NMS: variants seen among roughly 807,000 people sequenced by gnomAD.
NMS encodes neuromedin S, also known as neuromedin-S.
Under a neutral mutation model 32.2 loss-of-function variants are expected in NMS, and 30 were observed. The ratio of observed to expected loss-of-function variants is 0.93; its 90% CI spans 0.70 to 1.26. The LOEUF is 1.26. NMS is among the 50% of genes most tolerant of loss of function. NMS has a pLI of 0.00. For missense variants in NMS, 190 were observed against 186.3 expected (o/e 1.02, Z -0.12); for synonymous variants, 76 against 58.5 (o/e 1.30, Z -1.37).
At position 100,479,724 on chromosome 2, in the gene NMS, C is replaced by CT. The variant is rs200384744; in HGVS notation, c.336+306dup. On this transcript the variant is annotated intron_variant, in intron 6 of 9. Transcript: ENST00000376865. ...CCCTAAGTTGTGTCTTGGTTTTGTA[C>CT]TTTTTTTTTCACTTCCCCTGTCTCT... Among the ~76,000 whole-genome samples, 45 of 151,814 alleles carry CT rather than the reference C, an allele frequency of 3.0e-4. No individual in the cohort carries two copies. The South Asian group carries it at 5.8e-3, about 20-fold the overall frequency.
In NMS at chr2:100,479,808, G is replaced by A. The variant is rs576303050; in HGVS notation, c.336+381G>A. ...CTGCTTCCCATTGCCCTAGGTGCCC[G>A]TTGTCCATTTCTCAGAGCTTTCTTC... is the stretch of plus-strand genomic sequence containing the variant. On this transcript the variant is annotated intron_variant, in intron 6 of 9. Coordinates refer to ENST00000376865, the MANE Select transcript of NMS (RefSeq NM_001011717.1). Among the ~76,000 whole-genome samples, 12 of 152,198 alleles carry A rather than the reference G, an allele frequency of 7.9e-5. No homozygotes were observed. The South Asian group carries it at 2.3e-3, about 29-fold the overall frequency.
chr2:100,479,915 A>C (rs1677184299), intron 6 of NMS, among the ~76,000 whole-genome samples: 1 of 152,218 alleles, frequency 6.6e-6, no homozygotes, highest in African/African-American at 2.4e-5. Context: ...GGTAGCAAAA[A>C]TAAATAAACA....
intron 6 of NMS, 134 bp from the exon 7 acceptor site, chr2:100,480,362 C>G: frequency 1.2e-6 from 1 of 844,196 alleles, no homozygotes; most frequent in Non-Finnish European, 1.9e-6. Flanking sequence ...ATTTGCCATG[C>G]TCTCCACCTC....
rs1359518370 is a variant in NMS, at chr2:100,472,857, A to T, written c.132+7A>T. On this transcript the variant is annotated splice_region_variant and intron_variant, in intron 2 of 9. Transcript: ENST00000376865. ...GGATATTGTGCAGCTTGAGGTACCCAATTATTCAGTAATGTGAGATTTTTG... is the reference window on the plus strand; with the variant it reads ...GGATATTGTGCAGCTTGAGGTACCCTATTATTCAGTAATGTGAGATTTTTG... The T allele has an allele frequency of 6.3e-7, 1 of 1,592,692 alleles. No homozygotes were observed. The highest frequency in any genetic ancestry group is 1.1e-5 in the South Asian group (1 of 90,374).
chr2:100,472,303 C>G (rs1198631149), intron 1 of NMS, among the ~76,000 whole-genome samples: 1 of 152,234 alleles, frequency 6.6e-6, no homozygotes, highest in East Asian at 1.9e-4. Context: ...TTGACAGGGT[C>G]CAGCTGCATG....
At chr2:100,477,872 T>A (rs1677141770) in intron 5 of NMS, among the ~76,000 whole-genome samples, 1 of 152,188 alleles carries the variant, frequency 6.6e-6, no homozygotes, top group Non-Finnish European at 1.5e-5. Context: ...CACCTCTTAA[T>A]TTCTTCCTAC....
At chr2:100,474,271 T>G (rs989629160) in intron 3 of NMS, among the ~76,000 whole-genome samples, 8 of 152,188 alleles carry the variant, frequency 5.3e-5, no homozygotes, top group South Asian at 2.1e-4. Context: ...GGTGGTAGGA[T>G]AGCCCATGAT....
intron 8 of NMS, 140 bp from the exon 9 acceptor site, chr2:100,482,137 A>T: frequency 1.2e-6 from 1 of 805,688 alleles, no homozygotes; most frequent in Non-Finnish European, 2.1e-6. Flanking sequence ...AGGGCTTCCC[A>T]GGTGAGTCCC....
chr2:100,477,275 C>G lies in NMS; in HGVS notation c.207+8C>G, dbSNP rs1677128618. The G allele has an allele frequency of 6.2e-7, 1 of 1,612,668 alleles. No homozygotes were observed. Among genetic ancestry groups the G allele is most frequent in the African/African-American group, 1.3e-5 (1 of 74,864 alleles). On this transcript the variant is annotated splice_region_variant and intron_variant, in intron 4 of 9. Coordinates refer to ENST00000376865, the MANE Select transcript of NMS (RefSeq NM_001011717.1). ...CAAGACATATACAAAAGGGTGAGTA[C>G]CACCTAGCCCTGTACAAGTGCATGC...
chr2:100,478,217 C>T (rs1677150256), intron 5 of NMS, among the ~76,000 whole-genome samples: 1 of 152,136 alleles, frequency 6.6e-6, no homozygotes, highest in Non-Finnish European at 1.5e-5. Context: ...CTGCCTTGGC[C>T]TCCCAAAGTG....
chr2:100,476,933 G>A (rs1345844001), intron 3 of NMS, among the ~76,000 whole-genome samples: 2 of 152,194 alleles, frequency 1.3e-5, no homozygotes, highest in Non-Finnish European at 2.9e-5. Flanking sequence ...TATTCCACCT[G>A]TAGTCAGATG....
intron 8 of NMS, among the ~76,000 whole-genome samples, 176 bp from the exon 9 acceptor site, chr2:100,482,101 C>A (rs530734983): frequency 6.6e-6 from 1 of 152,158 alleles, no homozygotes; most frequent in Non-Finnish European, 1.5e-5. Flanking sequence ...CCCAGAGGAC[C>A]TACGGACTAG....
intron 1 of NMS, among the ~76,000 whole-genome samples, 170 bp downstream of exon 1, chr2:100,470,734 C>A (rs1043248125): frequency 6.6e-6 from 1 of 152,132 alleles, no homozygotes; most frequent in Non-Finnish European, 1.5e-5. Context: ...ATCAAGAGAG[C>A]GAGATGCTGC....
Position 100,479,335 on chromosome 2 carries a change from C to A in NMS, c.262-18C>A. 6.3e-7 allele frequency: 1 copy of A among 1,598,194 alleles called. No homozygotes were observed. Among genetic ancestry groups the A allele is most frequent in the Non-Finnish European group, 8.5e-7 (1 of 1,170,874 alleles). On this transcript the variant is annotated intron_variant, in intron 5 of 9. Coordinates refer to ENST00000376865, the MANE Select transcript of NMS (RefSeq NM_001011717.1). The stretch of plus-strand genomic sequence containing the variant: ...GGATGTCCCCCTGTCTGACCCTCTC[C>A]GCGCCTGTCTGTTGCAGTTTCCTCC...
At chr2:100,474,331 T>C (rs1209732003) in intron 3 of NMS, among the ~76,000 whole-genome samples, 1 of 151,094 alleles carries the variant, frequency 6.6e-6, no homozygotes, top group Non-Finnish European at 1.5e-5. Context: ...TCTTTATCCC[T>C]CACCTCCCCC....
rs775680859 is a variant in NMS, at chr2:100,477,234, C to A, written c.184-10C>A. ...TTTCATCTAACTTACCCTCACAATTCTCTTTCCAGGATAATCAAGACATAT... is the reference window on the plus strand; with the variant it reads ...TTTCATCTAACTTACCCTCACAATTATCTTTCCAGGATAATCAAGACATAT... On this transcript the variant is annotated splice_polypyrimidine_tract_variant and intron_variant, in intron 3 of 9. Transcript: ENST00000376865. 2.5e-6 allele frequency: 4 copies of A among 1,612,798 alleles called. No homozygotes were observed. The Admixed American group carries it at 6.7e-5, about 27-fold the overall frequency.
At chr2:100,475,115 A>G (rs1032502982) in intron 3 of NMS, among the ~76,000 whole-genome samples, 5 of 152,054 alleles carry the variant, frequency 3.3e-5, no homozygotes, top group African/African-American at 1.2e-4. Context: ...CATCTTCTCC[A>G]TTTTTCCAAG....
chr2:100,478,454 G>C lies in NMS; in HGVS notation c.262-899G>C, dbSNP rs542680589. Among the ~76,000 whole-genome samples the C allele has an allele frequency of 2.0e-5, 3 of 152,136 alleles. No homozygotes were observed. The South Asian group carries it at 6.2e-4, about 32-fold the overall frequency. On this transcript the variant is annotated intron_variant, in intron 5 of 9. Transcript: ENST00000376865. ...TAGGAATAGGGCTCAGGTAAGGAGGGGGAATTTTTTTGTTTGTTTGTTTTT... is the reference window on the plus strand; with the variant it reads ...TAGGAATAGGGCTCAGGTAAGGAGGCGGAATTTTTTTGTTTGTTTGTTTTT...
chr2:100,473,167 G>A (rs1420637859), intron 2 of NMS, among the ~76,000 whole-genome samples: 1 of 152,174 alleles, frequency 6.6e-6, no homozygotes, highest in Non-Finnish European at 1.5e-5. Context: ...CATAATAGAT[G>A]TACATACTTT....
Sources: allele counts gnomAD v4.1 joint callset (sites outside exome capture counted in the v4.1 genomes callset), GRCh38; gene constraint gnomAD v4.1.1; transcripts MANE v1.5; gene names NCBI Gene and HGNC (gene_info 2026-07-23, HGNC 2026-07-21).